The following CPM variants were observed in gnomAD, a reference collection of about 807,000 sequenced individuals.
The protein encoded by CPM is carboxypeptidase M, also known as renal carboxypeptidase.
Under a neutral mutation model 46.4 loss-of-function variants are expected in CPM, and 35 were observed. The observed-to-expected ratio is 0.75, with a 90% CI of 0.58 to 1.00. The LOEUF is 1.00. Among genes scored for constraint, CPM ranks in the 50% least tolerant of loss-of-function variants. The pLI, the probability that CPM is intolerant of heterozygous loss-of-function variation, is 0.00. For synonymous variants in CPM, 195 were observed against 195.3 expected, an observed-to-expected ratio of 1.00 and a Z score of 0.01; for missense variants, 422 against 530.4, an observed-to-expected ratio of 0.80 and a Z score of 2.01.
intron 5 of CPM, chr12:68,844,261 A>T: frequency 4.6e-6 from 1 of 216,478 alleles, no homozygotes; most frequent in Non-Finnish European, 9.3e-6. Context: ...ATATTTGGGT[A>T]ACAAAAGGCA....
At chr12:68,896,121 G>A (rs1047023479) in intron 2 of CPM, among the ~76,000 whole-genome samples, 2 of 152,150 alleles carry the variant, frequency 1.3e-5, no homozygotes, top group Admixed American at 1.3e-4. Flanking sequence ...CCCAAAGGAG[G>A]TAACTCCCTG....
At chr12:68,963,264 C>A in exon 1 of CPM, 1 of 196,388 alleles carries the variant, frequency 5.1e-6, no homozygotes, top group South Asian at 1.1e-4. Context: ...CAAGAAGAAT[C>A]TAGACAGACA....
rs894258072 is a variant in CPM, at chr12:68,853,974, A to G, written c.*2463T>C. 6 of 152,104 alleles carry G rather than the reference A, an allele frequency of 3.9e-5. No homozygotes were observed. Among genetic ancestry groups the G allele is most frequent in the Non-Finnish European group, 7.4e-5 (5 of 68,014 alleles). 9.4% of individuals were successfully genotyped at this position (152,104 alleles called of 1,614,324 possible). A position where few individuals can be genotyped will look rare whatever the true frequency, so the allele number is the denominator to read the frequency against. On this transcript the variant is annotated 3_prime_UTR_variant, in exon 9 of 9. Transcript: ENST00000551568. ...TAATACAGGGTAACTCTCATAGTGG[A>G]GAACTTGAGAAGCATTAGTACTTCA...
chr12:68,927,488 C>T lies in CPM; in HGVS notation c.160+5190G>A, dbSNP rs1020876282. On this transcript the variant is annotated intron_variant, in intron 2 of 8. Transcript: ENST00000551568. ...AGCCCTTTGTCAGATGAGTAGGTTG[C>T]GAAAATTTTCTCCCATTTTGGAGGT... 5.5e-4 allele frequency among the ~76,000 whole-genome samples: 84 copies of T among 151,902 alleles called. No homozygotes were observed. The South Asian group carries it at 5.8e-3, about 11-fold the overall frequency.
intron 1 of CPM, among the ~76,000 whole-genome samples, chr12:68,962,503 G>A (rs957065264): frequency 9.9e-5 from 15 of 152,132 alleles, no homozygotes; most frequent in African/African-American, 3.4e-4. Context: ...CCCTTTTCCC[G>A]AAAGCCAGCT....
intron 1 of CPM, among the ~76,000 whole-genome samples, chr12:68,939,431 C>CA (rs1431148918): frequency 6.6e-6 from 1 of 150,736 alleles, no homozygotes; most frequent in Non-Finnish European, 1.5e-5. Context: ...AATCATTCTA[C>CA]ATTATTGCTA....
intron 1 of CPM, among the ~76,000 whole-genome samples, chr12:68,956,443 C>G (rs933526739): frequency 1.1e-4 from 16 of 152,148 alleles, no homozygotes; most frequent in African/African-American, 3.9e-4. Flanking sequence ...GAGCCTGCTG[C>G]CCCAGCCACG....
intron 7 of CPM, among the ~76,000 whole-genome samples, chr12:68,860,889 T>C (rs1028171594): frequency 5.3e-5 from 8 of 151,564 alleles, no homozygotes; most frequent in African/African-American, 1.9e-4. Flanking sequence ...TCTTCTTCTT[T>C]TTTTTTTTTT....
chr12:68,952,922 G>A (rs769881606), intron 1 of CPM, among the ~76,000 whole-genome samples: 1 of 152,198 alleles, frequency 6.6e-6, no homozygotes, highest in African/African-American at 2.4e-5. Flanking sequence ...GAGAACATGA[G>A]GCTTGAGCTC....
chr12:68,860,132 A>G (rs530247682), intron 7 of CPM, among the ~76,000 whole-genome samples: 41 of 152,354 alleles, frequency 2.7e-4, no homozygotes, highest in African/African-American at 9.6e-4. Flanking sequence ...TTGAACTTCA[A>G]CAAACTTCTA....
chr12:68,949,850 A>G (rs192215904), intron 1 of CPM, among the ~76,000 whole-genome samples: 23 of 152,316 alleles, frequency 1.5e-4, no homozygotes, highest in Non-Finnish European at 2.9e-5. Flanking sequence ...CTCTCATTTC[A>G]TAATCAGTGT....
At chr12:68,914,070 C>A in intron 2 of CPM, 1 of 630,414 alleles carries the variant, frequency 1.6e-6, no homozygotes. Flanking sequence ...TATAAACAGG[C>A]TTGGAATCTG....
chr12:68,877,936 C>T (rs191117434), intron 3 of CPM, among the ~76,000 whole-genome samples: 3 of 152,336 alleles, frequency 2.0e-5, no homozygotes, highest in Admixed American at 2.0e-4. Flanking sequence ...CATCAACTGT[C>T]TCTTATACTT....
chr12:68,876,981 T>G (rs1308081760), intron 3 of CPM, among the ~76,000 whole-genome samples: 1 of 152,060 alleles, frequency 6.6e-6, no homozygotes, highest in Non-Finnish European at 1.5e-5. Context: ...TTTGAAATGC[T>G]ACCCTGTGAT....
intron 2 of CPM, among the ~76,000 whole-genome samples, chr12:68,931,704 C>G (rs1209779424): frequency 7.2e-6 from 1 of 139,136 alleles, no homozygotes; most frequent in Non-Finnish European, 1.5e-5. Context: ...CGAGATCACG[C>G]CACTGCACTC....
chr12:68,844,817 A>C, intron 5 of CPM: 1 of 200,976 alleles, frequency 5.0e-6, no homozygotes, highest in East Asian at 7.7e-5. Context: ...CTCAGGCTGG[A>C]GTACAGTGGT....
intron 3 of CPM, among the ~76,000 whole-genome samples, chr12:68,875,134 T>C (rs1885886691): frequency 2.6e-5 from 4 of 152,056 alleles, no homozygotes. Flanking sequence ...GCAGATCACC[T>C]GAGGTCAGGA....
chr12:68,929,447 T>C (rs747842949), intron 2 of CPM, among the ~76,000 whole-genome samples: 6 of 152,200 alleles, frequency 3.9e-5, no homozygotes, highest in Non-Finnish European at 8.8e-5. Context: ...CTGTACCTTT[T>C]CTGATTTTTC....
downstream of CPM, chr12:68,847,792 C>T (rs1403262194): frequency 6.6e-6 from 1 of 151,952 alleles, no homozygotes; most frequent in East Asian, 1.9e-4. Context: ...ATTGTGTATA[C>T]AGTAGTAAAG....
Sources: gnomAD v4.1 joint callset for allele counts (sites outside exome capture counted in the v4.1 genomes callset) on GRCh38, gnomAD v4.1.1 for gene constraint, MANE v1.5 for transcripts, NCBI Gene and HGNC (gene_info 2026-07-23, HGNC 2026-07-21) for gene names.